Variants in CDH4 observed in about 807,000 individuals in gnomAD.
CDH4 encodes the protein cadherin 4.
CDH4 carries 33 observed loss-of-function variants against 86.0 expected under a neutral mutation model. That is an observed-to-expected ratio of 0.38 (90% CI 0.29 to 0.51). The LOEUF (loss-of-function observed/expected upper bound fraction) is 0.51, where lower values mean the gene tolerates loss of function less well. Among genes scored for constraint, CDH4 ranks in the 20% least tolerant of loss-of-function variants. CDH4 has a pLI of 0.86. For missense variants in CDH4, 1,114 were observed against 1,307.4 expected, an observed-to-expected ratio of 0.85 and a Z score of 2.28; for synonymous variants, 555 against 549.4, an observed-to-expected ratio of 1.01 and a Z score of -0.14.
chr20:61,865,165 C>T (rs1469047504), intron 6 of CDH4, among the ~76,000 whole-genome samples: 3 of 152,146 alleles, frequency 2.0e-5, no homozygotes, highest in Admixed American at 6.5e-5. Context: ...GCATCCCTCG[C>T]TGCATCCGGC....
At chr20:61,674,289 G>A (rs1442428240) in intron 2 of CDH4, among the ~76,000 whole-genome samples, 2 of 152,190 alleles carry the variant, frequency 1.3e-5, no homozygotes, top group African/African-American at 2.4e-5. Flanking sequence ...TGGAGGGAGG[G>A]GTGCCGAGCT....
rs529658279 is a variant in CDH4, at chr20:61,512,744, G to A, written c.170-230819G>A. On this transcript the variant is annotated intron_variant, in intron 2 of 15. Coordinates refer to ENST00000614565, the MANE Select transcript of CDH4 (RefSeq NM_001794.5). ...CAGCAGGTGGCCCTTGGGGGCCGCC[G>A]CTGATGACAAGCACGCACATCCCAG... Among the ~76,000 whole-genome samples the A allele has an allele frequency of 1.1e-4, 16 of 152,334 alleles. 1 individual carries two copies. Among genetic ancestry groups the A allele is most frequent in the South Asian group, 2.1e-4 (1 of 4,830 alleles).
intron 2 of CDH4, among the ~76,000 whole-genome samples, chr20:61,338,314 A>G (rs1332126204): frequency 6.6e-6 from 1 of 152,198 alleles, no homozygotes; most frequent in Non-Finnish European, 1.5e-5. Flanking sequence ...GGGTATCAGG[A>G]TCTTAAAGCC....
intron 2 of CDH4, among the ~76,000 whole-genome samples, chr20:61,588,801 C>T (rs2086497219): frequency 6.6e-6 from 1 of 152,202 alleles, no homozygotes; most frequent in African/African-American, 2.4e-5. Context: ...AAACCTTGCA[C>T]CTCATAAATT....
intron 6 of CDH4, among the ~76,000 whole-genome samples, chr20:61,868,750 T>C (rs62206355): frequency 0.36 from 52,789 of 148,528 alleles, 10,051 homozygotes; most frequent in Non-Finnish European, 0.43. Flanking sequence ...CCTGGCCAGC[T>C]GGGTGCTTTC....
At position 61,929,651 on chromosome 20, in the gene CDH4, C is replaced by A; in HGVS notation, c.2048C>A (p.Ala683Asp). The change falls in exon 13 of 16, where the codon GCC (alanine) becomes GAC (aspartate). Residue 683 changes from alanine to aspartate, a missense_variant. Ala to Asp is a moderately radical substitution (Grantham distance 126). Around this residue, in one of 3 missense-constraint regions of CDH4, gnomAD observed 705 missense variants for 914.1 expected, o/e 0.77. Coordinates refer to ENST00000614565, the MANE Select transcript of CDH4 (RefSeq NM_001794.5). ...AGCTTGCGCATCCTGTACCTGGAGG[C>A]CGGGATGTATGACGTCCCCATCATC... ...QLSLRILYLE[A>D]GMYDVPIIVT... The A allele has an allele frequency of 6.2e-7, 1 of 1,614,092 alleles. No homozygotes were observed. The highest frequency in any genetic ancestry group is 8.5e-7 in the Non-Finnish European group (1 of 1,180,010).
At chr20:61,590,691 C>T (rs1411458681) in intron 2 of CDH4, among the ~76,000 whole-genome samples, 2 of 151,956 alleles carry the variant, frequency 1.3e-5, no homozygotes, top group Non-Finnish European at 2.9e-5. Flanking sequence ...TTTGGGAGCC[C>T]ACGTTTGGCT....
At chr20:61,570,310 C>T (rs1211465606) in intron 2 of CDH4, 1 of 228,334 alleles carries the variant, frequency 4.4e-6, no homozygotes, top group Non-Finnish European at 8.7e-6. Context: ...TCTTCAGGTG[C>T]CAGAATTACT....
At chr20:61,402,509 A>G (rs2085055153) in intron 2 of CDH4, among the ~76,000 whole-genome samples, 1 of 152,116 alleles carries the variant, frequency 6.6e-6, no homozygotes, top group South Asian at 2.1e-4. Flanking sequence ...CTCATACCTC[A>G]GTTTCCCAAG....
chr20:61,888,997 A>G lies in CDH4; in HGVS notation c.1051-5913A>G, dbSNP rs150825083. On this transcript the variant is annotated intron_variant, in intron 7 of 15. Coordinates refer to ENST00000614565, the MANE Select transcript of CDH4 (RefSeq NM_001794.5). ...CATGCTTTTTTATTGTTCTCTCCCC[A>G]TTGTTGGCTTTCTCCCCTCCCTCAC... 5.2e-3 allele frequency among the ~76,000 whole-genome samples: 785 copies of G among 152,142 alleles called. 8 individuals carry two copies. The highest frequency in any genetic ancestry group is 0.037 in the Middle Eastern group (11 of 294).
intron 2 of CDH4, among the ~76,000 whole-genome samples, chr20:61,418,188 C>T (rs147969835): frequency 1.1e-4 from 16 of 149,818 alleles, no homozygotes; most frequent in African/African-American, 3.5e-4. Flanking sequence ...AAGCTTCAGC[C>T]CAAACTTTTT....
chr20:61,360,908 AT>A (rs1284911954), intron 2 of CDH4, among the ~76,000 whole-genome samples: 1 of 152,160 alleles, frequency 6.6e-6, no homozygotes, highest in Non-Finnish European at 1.5e-5. Flanking sequence ...GGTTATTCCC[AT>A]TTCCACGGAG....
At chr20:61,872,823 C>CA (rs2146147522) in intron 6 of CDH4, among the ~76,000 whole-genome samples, 1 of 152,360 alleles carries the variant, frequency 6.6e-6, no homozygotes, top group East Asian at 1.9e-4. Flanking sequence ...GCGGGGCCTC[C>CA]ACCGGGTACA....
In CDH4 at chr20:61,377,396, G is replaced by A. The variant is rs184556184; in HGVS notation, c.169+122459G>A. Among the ~76,000 whole-genome samples the A allele has an allele frequency of 2.3e-3, 353 of 152,134 alleles. 2 individuals are homozygous for A. The highest frequency in any genetic ancestry group is 3.4e-3 in the Middle Eastern group (1 of 294). On this transcript the variant is annotated intron_variant, in intron 2 of 15. Coordinates refer to ENST00000614565, the MANE Select transcript of CDH4 (RefSeq NM_001794.5). The surrounding 1 kb of genome is among the most constrained non-coding windows in gnomAD (Gnocchi z 4.0). ...GAGTTGTGTGGTCCAGGGCTCTGCC[G>A]GCCCCGCCTCCTGGTTGCCCCATTT...
intron 2 of CDH4, among the ~76,000 whole-genome samples, chr20:61,312,463 G>A (rs2084451925): frequency 6.6e-6 from 1 of 152,132 alleles, no homozygotes; most frequent in Non-Finnish European, 1.5e-5. Flanking sequence ...CATGGGCCCT[G>A]CCTGGGAGGC....
chr20:61,799,779 C>T (rs543131422), intron 4 of CDH4, among the ~76,000 whole-genome samples: 4 of 152,292 alleles, frequency 2.6e-5, no homozygotes, highest in East Asian at 1.9e-4. Context: ...CCGGTCACAG[C>T]GGTAACAGAT....
chr20:61,330,930 C>T (rs1437109643), intron 2 of CDH4, among the ~76,000 whole-genome samples: 2 of 152,166 alleles, frequency 1.3e-5, no homozygotes, highest in Non-Finnish European at 2.9e-5. Flanking sequence ...CCTGAGTTCC[C>T]CTGCACACCT....
At chr20:61,593,634 AG>A in intron 2 of CDH4, among the ~76,000 whole-genome samples, 1 of 152,134 alleles carries the variant, frequency 6.6e-6, no homozygotes. Context: ...GACAATTTCT[AG>A]AGATGTTGAA....
chr20:61,866,355 A>C (rs1176128104), intron 6 of CDH4, among the ~76,000 whole-genome samples: 2 of 152,112 alleles, frequency 1.3e-5, no homozygotes, highest in Non-Finnish European at 2.9e-5. Context: ...CTAGCAGTGA[A>C]TTTGCTGAGT....
Sources: allele counts gnomAD v4.1 joint callset (sites outside exome capture counted in the v4.1 genomes callset), GRCh38; gene constraint gnomAD v4.1.1; regional missense constraint gnomAD v4.1.1; non-coding constraint Gnocchi (gnomAD v3.1); transcripts MANE v1.5; gene names NCBI Gene and HGNC (gene_info 2026-07-23, HGNC 2026-07-21).